Variants in COL26A1 observed in about 807,000 individuals in gnomAD.
The protein encoded by COL26A1 is collagen alpha-1(XXVI) chain.
COL26A1 carries 41 observed loss-of-function variants against 59.3 expected under a neutral mutation model. The observed-to-expected ratio is 0.69, with a 90% CI of 0.54 to 0.90. The LOEUF (loss-of-function observed/expected upper bound fraction) is 0.90. Ranked by LOEUF, COL26A1 falls within the 40% of genes least tolerant of loss-of-function variation. COL26A1 has a pLI of 0.00. For missense variants in COL26A1, 612 were observed against 602.3 expected (o/e 1.02, Z -0.17); for synonymous variants, 266 against 256.0 (o/e 1.04, Z -0.37).
chr7:101,387,762 A>ATTTTTTTTT (rs1562958252), intron 1 of COL26A1, among the ~76,000 whole-genome samples: 3 of 30,984 alleles, frequency 9.7e-5, no homozygotes, highest in Non-Finnish European at 2.3e-4. Flanking sequence ...ATTTATATAT[A>ATTTTTTTTT]TATATATATA....
At chr7:101,524,330 C>T (rs925420591) in intron 3 of COL26A1, among the ~76,000 whole-genome samples, 5 of 151,970 alleles carry the variant, frequency 3.3e-5, no homozygotes, top group Admixed American at 1.3e-4. Context: ...CTGTACTCCC[C>T]CTACTGCTAA....
chr7:101,430,337 G>A (rs1263548037), intron 2 of COL26A1, among the ~76,000 whole-genome samples: 1 of 152,108 alleles, frequency 6.6e-6, no homozygotes, highest in Non-Finnish European at 1.5e-5. Context: ...AGGCTGGAGT[G>A]CAGTGTAGTG....
intron 3 of COL26A1, among the ~76,000 whole-genome samples, chr7:101,487,979 A>T (rs140485674): frequency 6.6e-6 from 1 of 152,240 alleles, no homozygotes; most frequent in Non-Finnish European, 1.5e-5. Context: ...GGCTTTAAAA[A>T]AATTGTGATT....
At chr7:101,434,526 T>C (rs1792868456) in intron 2 of COL26A1, among the ~76,000 whole-genome samples, 1 of 151,874 alleles carries the variant, frequency 6.6e-6, no homozygotes, top group African/African-American at 2.4e-5. Flanking sequence ...TCTCTCAAAG[T>C]GCTGAGATTA....
intron 2 of COL26A1, among the ~76,000 whole-genome samples, chr7:101,424,144 T>C (rs1792587702): frequency 6.6e-6 from 1 of 152,124 alleles, no homozygotes; most frequent in Non-Finnish European, 1.5e-5. Context: ...GAGGCTGCAG[T>C]GAGCTGTGAT....
intron 1 of COL26A1, among the ~76,000 whole-genome samples, chr7:101,415,303 C>T (rs1258920400): frequency 6.6e-6 from 1 of 152,122 alleles, no homozygotes; most frequent in African/African-American, 2.4e-5. Context: ...CAGGCGCCCT[C>T]CACCATGCCC....
At chr7:101,396,753 A>G (rs1791864353) in intron 1 of COL26A1, among the ~76,000 whole-genome samples, 1 of 151,976 alleles carries the variant, frequency 6.6e-6, no homozygotes, top group East Asian at 1.9e-4. Context: ...GTGAGCTACC[A>G]CTCCTGGCCA....
At chr7:101,383,416 G>C (rs1791492135) in intron 1 of COL26A1, among the ~76,000 whole-genome samples, 1 of 151,874 alleles carries the variant, frequency 6.6e-6, no homozygotes, top group Non-Finnish European at 1.5e-5. Context: ...GCCCAGGCTG[G>C]AGTACAATGG....
chr7:101,440,419 G>A (rs915315208), intron 2 of COL26A1, among the ~76,000 whole-genome samples: 5 of 152,200 alleles, frequency 3.3e-5, no homozygotes, highest in African/African-American at 9.6e-5. Context: ...CCTAGCGGCA[G>A]GGGCTGGCAA....
intron 3 of COL26A1, among the ~76,000 whole-genome samples, chr7:101,467,740 G>T (rs909666352): frequency 6.6e-6 from 1 of 152,024 alleles, no homozygotes; most frequent in Non-Finnish European, 1.5e-5. Context: ...GGTGGCGGGC[G>T]CCTGTAGTCC....
intron 2 of COL26A1, among the ~76,000 whole-genome samples, chr7:101,430,518 T>C (rs1253423748): frequency 6.6e-6 from 1 of 150,824 alleles, no homozygotes; most frequent in Non-Finnish European, 1.5e-5. Context: ...CTTGAACTCT[T>C]GACCTCATGA....
intron 1 of COL26A1, among the ~76,000 whole-genome samples, chr7:101,379,979 TTTAC>T (rs541778755): frequency 2.5e-4 from 38 of 152,310 alleles, no homozygotes; most frequent in African/African-American, 7.9e-4. Flanking sequence ...TCTCTATTCC[TTTAC>T]TTACTTACTT....
rs186549829 is a variant in COL26A1, at chr7:101,408,281, C to T, written c.159-11696C>T. 3.6e-4 allele frequency among the ~76,000 whole-genome samples: 55 copies of T among 152,290 alleles called. No individual in the cohort carries two copies. In the East Asian group the frequency reaches 8.3e-3, roughly 23 times the overall value. The stretch of plus-strand genomic sequence containing the variant: ...AGAAGGAGACGAGCCTCCATATAGG[C>T]CAGGACAGCTGCCCCAGACCCCATG... On this transcript the variant is annotated intron_variant, in intron 1 of 12. Coordinates refer to ENST00000313669, the MANE Select transcript of COL26A1 (RefSeq NM_001278563.3).
At position 101,420,066 on chromosome 7, in the gene COL26A1, G is replaced by T. The variant is rs1204770939; in HGVS notation, c.248G>T (p.Cys83Phe). 6.2e-7 allele frequency: 1 copy of T among 1,613,306 alleles called. No homozygotes were observed. The highest frequency in any genetic ancestry group is 8.5e-7 in the Non-Finnish European group (1 of 1,179,894). Residue 83 changes from cysteine (C) to phenylalanine (F), a missense_variant, in exon 2 of 13, where the codon TGC (cysteine) becomes TTC (phenylalanine). Transcript: ENST00000313669. Reference sequence around the variant, plus strand: ...GTGGTCCAGCGCGTGTACCAGAGCTGCCGGTGGCCGGGGCCCTGCGCCAAC... The same window carrying T: ...GTGGTCCAGCGCGTGTACCAGAGCTTCCGGTGGCCGGGGCCCTGCGCCAAC... ...ETVVQRVYQS[C>F]RWPGPCANLV... is the part of the protein sequence containing the mutation.
At chr7:101,483,679 GT>G (rs1333222711) in intron 3 of COL26A1, among the ~76,000 whole-genome samples, 3 of 148,152 alleles carry the variant, frequency 2.0e-5, no homozygotes, top group Middle Eastern at 3.5e-3. Flanking sequence ...AGCTAACTTT[GT>G]TTTTTTTTTG....
At chr7:101,553,084 G>A in intron 10 of COL26A1, 1 of 378,588 alleles carries the variant, frequency 2.6e-6, no homozygotes, top group Non-Finnish European at 4.8e-6. Flanking sequence ...GCAGAATGAA[G>A]CACTTACAGC....
intron 2 of COL26A1, among the ~76,000 whole-genome samples, chr7:101,441,942 A>G (rs1052632907): frequency 1.1e-4 from 16 of 152,190 alleles, no homozygotes; most frequent in Non-Finnish European, 7.4e-5. Context: ...CAGACCAGGA[A>G]ACAGGCTCAG....
At chr7:101,379,729 G>A (rs1013651059) in intron 1 of COL26A1, among the ~76,000 whole-genome samples, 1 of 152,120 alleles carries the variant, frequency 6.6e-6, no homozygotes, top group East Asian at 1.9e-4. Flanking sequence ...TAAAAAAGCC[G>A]GCCAAAACCC....
At chr7:101,432,695 A>G (rs1792809827) in intron 2 of COL26A1, among the ~76,000 whole-genome samples, 1 of 151,940 alleles carries the variant, frequency 6.6e-6, no homozygotes, top group Admixed American at 6.6e-5. Flanking sequence ...TAAAAAGTGC[A>G]TTCTTTTTTT....
Sources: allele counts gnomAD v4.1 joint callset (sites outside exome capture counted in the v4.1 genomes callset), GRCh38; gene constraint gnomAD v4.1.1; transcripts MANE v1.5; gene names NCBI Gene and HGNC (gene_info 2026-07-23, HGNC 2026-07-21).